The following CAB39L variants were observed in gnomAD, a reference collection of about 807,000 sequenced individuals.
CAB39L encodes the protein calcium-binding protein 39-like.
CAB39L carries 23 observed loss-of-function variants against 39.1 expected under a neutral mutation model. That is an observed-to-expected ratio of 0.59 (90% confidence interval 0.42 to 0.83). The LOEUF is 0.83. CAB39L is among the 40% of genes least tolerant of loss of function. The pLI is 0.00. For synonymous variants in CAB39L, 126 were observed against 137.2 expected (o/e 0.92, Z 0.57); for missense variants, 366 against 391.9 (o/e 0.93, Z 0.56).
At chr13:49,403,327 G>A (rs1026401062) in intron 3 of CAB39L, among the ~76,000 whole-genome samples, 5 of 152,074 alleles carry the variant, frequency 3.3e-5, no homozygotes, top group Middle Eastern at 3.4e-3. Flanking sequence ...AGTAAGCCCC[G>A]AAAGGATCGA....
Position 49,337,730 on chromosome 13 carries a change from GCGCACA to G in CAB39L, c.690+1941_690+1946del, listed in dbSNP as rs1471578047. Among the ~76,000 whole-genome samples the G allele has an allele frequency of 1.4e-4, 12 of 85,446 alleles. No homozygotes were observed. In the East Asian group the frequency reaches 3.0e-3, roughly 22 times the overall value. 56.1% of individuals were successfully genotyped at this position (85,446 alleles called of 152,430 possible). ...CTTCACTGATCGTCTAGCTGCTCTG[GCGCACA>G]CACACACACACACACACACACACAC... On this transcript the variant is annotated intron_variant, in intron 9 of 10. Transcript: ENST00000409308.
intron 1 of CAB39L, 35 bp downstream of exon 1, chr13:49,443,951 C>G: frequency 2.2e-6 from 1 of 456,804 alleles, no homozygotes; most frequent in Non-Finnish European, 4.4e-6. Flanking sequence ...GAAGCCCAGT[C>G]CCAGCCACAC....
In CAB39L at chr13:49,359,874, T is replaced by A. The variant is rs374229772; in HGVS notation, c.277-42A>T. On this transcript the variant is annotated intron_variant, in intron 5 of 10. Transcript: ENST00000409308. ...CAGAAATTAAATTGTACACTCTAAA[T>A]GGATGAATTGTATAGTATGTGGAAT... 21 of 1,054,136 alleles carry A rather than the reference T, an allele frequency of 2.0e-5. No homozygotes were observed. In the African/African-American group the frequency reaches 3.0e-4, roughly 15 times the overall value. 65.3% of individuals were successfully genotyped at this position (1,054,136 alleles called of 1,614,324 possible).
At chr13:49,407,397 A>G (rs1424416909) in intron 3 of CAB39L, among the ~76,000 whole-genome samples, 7 of 152,186 alleles carry the variant, frequency 4.6e-5, no homozygotes, top group Non-Finnish European at 7.3e-5. Context: ...TTCACTAGCA[A>G]TAAGTCCTAT....
At chr13:49,325,571 C>T (rs926463193) in intron 10 of CAB39L, among the ~76,000 whole-genome samples, 2 of 151,988 alleles carry the variant, frequency 1.3e-5, no homozygotes, top group African/African-American at 4.8e-5. Flanking sequence ...GGCGGATCAC[C>T]TGAGGTCGGG....
intron 8 of CAB39L, among the ~76,000 whole-genome samples, chr13:49,341,314 T>C (rs1198499): frequency 0.53 from 79,873 of 151,672 alleles, 21,778 homozygotes; most frequent in Middle Eastern, 0.67. Context: ...AGTGCTGTGA[T>C]GTGATCTCAG....
chr13:49,321,561 C>T (rs1315651853), intron 10 of CAB39L, among the ~76,000 whole-genome samples: 9 of 152,156 alleles, frequency 5.9e-5, no homozygotes, highest in African/African-American at 1.4e-4. Flanking sequence ...GTGCGCCTTC[C>T]GGGCTGTGCT....
At chr13:49,360,599 AC>A (rs1169127384) in intron 5 of CAB39L, among the ~76,000 whole-genome samples, 3 of 152,200 alleles carry the variant, frequency 2.0e-5, no homozygotes, top group Non-Finnish European at 4.4e-5. Context: ...AAAAATAAGT[AC>A]AAGAATGACT....
At chr13:49,443,904 A>G (rs978757647) in intron 1 of CAB39L, 82 bp downstream of exon 1, 2 of 456,554 alleles carry the variant, frequency 4.4e-6, no homozygotes, top group Non-Finnish European at 8.8e-6. Context: ...GGACCCCTCC[A>G]CTACGGCCAG....
chr13:49,389,831 C>T (rs1212460491), intron 3 of CAB39L, among the ~76,000 whole-genome samples: 2 of 152,246 alleles, frequency 1.3e-5, no homozygotes, highest in East Asian at 3.9e-4. Context: ...TTAAAAATTT[C>T]GCCAGTATGA....
intron 3 of CAB39L, among the ~76,000 whole-genome samples, chr13:49,410,813 C>T (rs546138031): frequency 6.5e-4 from 90 of 139,486 alleles, no homozygotes; most frequent in African/African-American, 2.2e-3. Context: ...GGAAAAATCT[C>T]TATGGAATTC....
intron 4 of CAB39L, among the ~76,000 whole-genome samples, chr13:49,378,583 A>G (rs1364189516): frequency 1.8e-5 from 1 of 55,198 alleles, no homozygotes; most frequent in Non-Finnish European, 3.5e-5. Flanking sequence ...TCCGGGAGGG[A>G]GGTGGGGGGG....
intron 10 of CAB39L, among the ~76,000 whole-genome samples, chr13:49,321,825 A>C (rs1377718691): frequency 6.6e-6 from 1 of 152,164 alleles, no homozygotes; most frequent in African/African-American, 2.4e-5. Context: ...TTGCCTTTAG[A>C]CAGCTAAATG....
chr13:49,344,521 A>ATTTT lies in CAB39L; in HGVS notation c.565-287_565-284dup, dbSNP rs369905242. Among the ~76,000 whole-genome samples the ATTTT allele has an allele frequency of 5.3e-3, 717 of 135,970 alleles. 7 individuals carry two copies. Among genetic ancestry groups the ATTTT allele is most frequent in the African/African-American group, 0.016 (568 of 36,156 alleles). The allele number at this position is 135,970 out of a possible 152,430, so 89.2% of individuals were successfully genotyped here. Reference sequence around the variant, plus strand: ...AACAAATGGAACTTGAGATGAGTTAATTTTTTTTTTTTTTTTTTGAGATGG... The same window carrying ATTTT: ...AACAAATGGAACTTGAGATGAGTTAATTTTTTTTTTTTTTTTTTTTTTGAGATGG... On this transcript the variant is annotated intron_variant, in intron 7 of 10. Coordinates refer to ENST00000409308, the MANE Select transcript of CAB39L (RefSeq NM_001079670.3).
At chr13:49,387,232 G>A (rs999962923) in intron 3 of CAB39L, among the ~76,000 whole-genome samples, 15 of 152,148 alleles carry the variant, frequency 9.9e-5, no homozygotes, top group Non-Finnish European at 5.9e-5. Context: ...ATCCTATCAT[G>A]ATAAAGATAA....
chr13:49,384,565 T>C (rs747716226), intron 3 of CAB39L, among the ~76,000 whole-genome samples: 28 of 152,226 alleles, frequency 1.8e-4, no homozygotes, highest in Non-Finnish European at 3.1e-4. Context: ...TCACTATCTA[T>C]GGCTGCTTGC....
chr13:49,315,538 T>G (rs747993039), intron 10 of CAB39L, among the ~76,000 whole-genome samples: 7 of 152,072 alleles, frequency 4.6e-5, no homozygotes, highest in Non-Finnish European at 8.8e-5. Flanking sequence ...ACTCATAAGA[T>G]GCACCAAAAG....
chr13:49,431,604 G>C (rs948577489), intron 3 of CAB39L, among the ~76,000 whole-genome samples: 4 of 151,970 alleles, frequency 2.6e-5, no homozygotes, highest in African/African-American at 9.7e-5. Flanking sequence ...CTACTTATGA[G>C]GCTGTGGCAG....
At chr13:49,383,023 CAAT>C in intron 3 of CAB39L, 82 bp from the exon 4 acceptor site, 1 of 566,198 alleles carries the variant, frequency 1.8e-6, no homozygotes, top group Non-Finnish European at 3.1e-6. Flanking sequence ...TATAAGTTTT[CAAT>C]AACATGAATT....
Sources: gnomAD v4.1 joint callset for allele counts (sites outside exome capture counted in the v4.1 genomes callset) on GRCh38, gnomAD v4.1.1 for gene constraint, MANE v1.5 for transcripts, NCBI Gene and HGNC (gene_info 2026-07-23, HGNC 2026-07-21) for gene names.